EHBP1: variants seen among roughly 807,000 people sequenced by gnomAD.
EHBP1 encodes EH domain binding protein 1.
In EHBP1, 55 loss-of-function variants were observed where a neutral mutation model predicts 144.0. The observed-to-expected ratio is 0.38, with a 90% confidence interval of 0.31 to 0.48. The LOEUF is 0.48. Among genes scored for constraint, EHBP1 ranks in the 20% least tolerant of loss-of-function variants. The pLI, the probability that EHBP1 is intolerant of heterozygous loss-of-function variation, is 0.98. For missense variants in EHBP1, 1,200 were observed against 1,364.2 expected (o/e 0.88, Z 1.90); for synonymous variants, 469 against 472.7 (o/e 0.99, Z 0.10).
At chr2:62,908,873 G>A (rs761741498) in intron 10 of EHBP1, among the ~76,000 whole-genome samples, 2 of 152,088 alleles carry the variant, frequency 1.3e-5, no homozygotes, top group African/African-American at 2.4e-5. Flanking sequence ...CTCTAGTCAG[G>A]TTTGTTTTGC....
intron 10 of EHBP1, among the ~76,000 whole-genome samples, chr2:62,937,624 C>T (rs2056465887): frequency 6.6e-6 from 1 of 152,128 alleles, no homozygotes; most frequent in Non-Finnish European, 1.5e-5. Context: ...GACATTTGAA[C>T]TAAATCTTGA....
intron 7 of EHBP1, among the ~76,000 whole-genome samples, chr2:62,843,893 C>T (rs2048105503): frequency 6.6e-6 from 1 of 152,078 alleles, no homozygotes; most frequent in African/African-American, 2.4e-5. Flanking sequence ...AACTTAAATA[C>T]AGTTTGTATT....
intron 7 of EHBP1, among the ~76,000 whole-genome samples, chr2:62,854,734 G>A (rs542955434): frequency 4.6e-5 from 7 of 152,348 alleles, no homozygotes; most frequent in South Asian, 2.1e-4. Flanking sequence ...TAATGAAAAG[G>A]TTTAGAATAT....
intron 9 of EHBP1, among the ~76,000 whole-genome samples, chr2:62,869,465 A>C (rs1399514673): frequency 1.3e-5 from 2 of 152,258 alleles, no homozygotes; most frequent in African/African-American, 4.8e-5. Context: ...AGTAATAAAG[A>C]GGAACAAACT....
chr2:62,794,305 G>C (rs944461214), intron 5 of EHBP1, among the ~76,000 whole-genome samples: 1 of 152,036 alleles, frequency 6.6e-6, no homozygotes, highest in Non-Finnish European at 1.5e-5. Context: ...AATAGGTGTT[G>C]TGAGAAACAA....
chr2:62,926,590 T>A (rs373273776), intron 10 of EHBP1, among the ~76,000 whole-genome samples: 5 of 152,200 alleles, frequency 3.3e-5, no homozygotes, highest in South Asian at 4.1e-4. Context: ...TGTCCAACAT[T>A]ACTAATCATG....
chr2:62,815,215 T>TA (rs890073954), intron 5 of EHBP1, among the ~76,000 whole-genome samples: 3 of 152,182 alleles, frequency 2.0e-5, no homozygotes, highest in African/African-American at 7.2e-5. Context: ...CCTTGTTGCA[T>TA]AAAGCTAAGA....
At chr2:63,008,945 A>G (rs2060160227) in intron 19 of EHBP1, among the ~76,000 whole-genome samples, 1 of 151,750 alleles carries the variant, frequency 6.6e-6, no homozygotes, top group South Asian at 2.1e-4. Flanking sequence ...AAGTTCAGAT[A>G]GCTTAATTGA....
At chr2:62,837,143 G>A (rs200902916) in intron 7 of EHBP1, among the ~76,000 whole-genome samples, 1,469 of 146,702 alleles carry the variant, frequency 0.01, 24 homozygotes, top group East Asian at 0.032. Context: ...CGGATCTCTC[G>A]GCAGAAACCC....
chr2:62,706,575 C>T (rs1038796876), intron 1 of EHBP1: 1 of 152,568 alleles, frequency 6.6e-6, no homozygotes, highest in Non-Finnish European at 1.5e-5. Context: ...AAACAGCATC[C>T]CTAGACTTTC....
At chr2:62,839,668 A>C (rs1217784944) in intron 7 of EHBP1, among the ~76,000 whole-genome samples, 1 of 151,778 alleles carries the variant, frequency 6.6e-6, no homozygotes, top group Non-Finnish European at 1.5e-5. Flanking sequence ...ATCAATGTAC[A>C]AAAATCACAA....
At chr2:62,703,171 A>G (rs933667024), upstream of EHBP1, among the ~76,000 whole-genome samples, 3 of 152,008 alleles carry the variant, frequency 2.0e-5, no homozygotes, top group African/African-American at 7.3e-5. Context: ...AAAAGTATGA[A>G]AAATTAGCCT....
intron 19 of EHBP1, among the ~76,000 whole-genome samples, chr2:63,027,911 G>A (rs561713076): frequency 2.0e-5 from 3 of 152,212 alleles, no homozygotes; most frequent in South Asian, 2.1e-4. Flanking sequence ...AACGTGGTGA[G>A]TATATGTTTT....
rs531919005 is a variant in EHBP1 at position 63,020,468 on chromosome 2, A to C, written c.3104-17067A>C. ...CAATGACCCGAGATTGTACCACTGCACTCAAGCCTGCACAACAGAATGAGA... is the reference window on the plus strand; with the variant it reads ...CAATGACCCGAGATTGTACCACTGCCCTCAAGCCTGCACAACAGAATGAGA... On this transcript the variant is annotated intron_variant, in intron 19 of 22. Transcript: ENST00000431489. 2.6e-5 allele frequency among the ~76,000 whole-genome samples: 4 copies of C among 151,170 alleles called. No individual in the cohort carries two copies. The East Asian group carries it at 7.8e-4, about 29-fold the overall frequency.
At chr2:62,728,134 G>C (rs1310154484) in intron 2 of EHBP1, among the ~76,000 whole-genome samples, 1 of 152,120 alleles carries the variant, frequency 6.6e-6, no homozygotes, top group Admixed American at 6.6e-5. Flanking sequence ...TCCTGAAGTG[G>C]GACACTCCAC....
chr2:62,994,112 G>C, intron 18 of EHBP1, 135 bp downstream of exon 18: 2 of 554,252 alleles, frequency 3.6e-6, no homozygotes, highest in Non-Finnish European at 6.4e-6. Context: ...AGCAGAGTGA[G>C]AGGGGTGCAC....
chr2:62,800,151 G>A (rs921699285), intron 5 of EHBP1, among the ~76,000 whole-genome samples: 1 of 152,016 alleles, frequency 6.6e-6, no homozygotes, highest in Non-Finnish European at 1.5e-5. Flanking sequence ...GTCCTTTTTT[G>A]TAGTGATGGC....
Position 62,714,629 on chromosome 2 carries a change from C to T in EHBP1, c.104+7334C>T, listed in dbSNP as rs1176458613. Among the ~76,000 whole-genome samples the T allele has an allele frequency of 2.0e-5, 3 of 152,260 alleles. No individual in the cohort carries two copies. The East Asian group carries it at 5.8e-4, about 29-fold the overall frequency. The stretch of plus-strand genomic sequence containing the variant: ...TGTAATAAAGGGGTTAGAACAGTGT[C>T]TGACAGAGTAAGCACCCAGAAAATT... On this transcript the variant is annotated intron_variant, in intron 2 of 22. Transcript: ENST00000431489.
chr2:62,977,789 A>C (rs540432452), intron 14 of EHBP1, among the ~76,000 whole-genome samples: 4 of 152,222 alleles, frequency 2.6e-5, no homozygotes, highest in African/African-American at 9.6e-5. Flanking sequence ...GTTTAAAAAA[A>C]TAACATATAC....
Sources: allele counts gnomAD v4.1 joint callset (sites outside exome capture counted in the v4.1 genomes callset), GRCh38; gene constraint gnomAD v4.1.1; transcripts MANE v1.5; gene names NCBI Gene and HGNC (gene_info 2026-07-23, HGNC 2026-07-21).